The following MRAP2 variants were observed in gnomAD, a reference collection of about 807,000 sequenced individuals.
MRAP2 encodes melanocortin 2 receptor accessory protein 2.
In MRAP2, 20 loss-of-function variants were observed where a neutral mutation model predicts 17.4. The ratio of observed to expected loss-of-function variants is 1.15; its 90% CI spans 0.81 to 1.67. The LOEUF is 1.67. Ranked by LOEUF, MRAP2 falls within the 40% of genes most tolerant of loss-of-function variation. The pLI is 0.00. For synonymous variants in MRAP2, 96 were observed against 88.4 expected (o/e 1.09, Z -0.48); for missense variants, 238 against 240.0 (o/e 0.99, Z 0.05).
chr6:84,144,744 TCTTTTTAGGGACTGTC>T, the MRAP2 span, among the ~76,000 whole-genome samples: 3 of 152,140 alleles, frequency 2.0e-5, no homozygotes, highest in African/African-American at 7.2e-5. Context: ...GATGAAGAAT[TCTTTTTAGGGACTGTC>T]TGTTTAAAAC....
intron 3 of MRAP2, among the ~76,000 whole-genome samples, chr6:84,084,927 TTTTAC>T (rs202029265): frequency 1.7e-4 from 18 of 103,956 alleles, no homozygotes; most frequent in East Asian, 5.4e-4. Flanking sequence ...ATTTATTTTA[TTTTAC>T]TTTATTTTAT....
the MRAP2 span, among the ~76,000 whole-genome samples, chr6:84,122,895 A>G: frequency 1.3e-5 from 2 of 152,142 alleles, no homozygotes; most frequent in Non-Finnish European, 2.9e-5. Context: ...AGGATACAAA[A>G]TCAATATACA....
intron 1 of MRAP2, among the ~76,000 whole-genome samples, chr6:84,036,548 G>A (rs922977747): frequency 2.6e-5 from 4 of 152,160 alleles, no homozygotes; most frequent in Admixed American, 1.3e-4. Flanking sequence ...CAGGAGTGAA[G>A]CTGCAGACCT....
At chr6:84,100,107 G>A in the MRAP2 span, among the ~76,000 whole-genome samples, 2 of 152,124 alleles carry the variant, frequency 1.3e-5, no homozygotes, top group African/African-American at 2.4e-5. Context: ...TGATCCACTT[G>A]CCTTGGCCTC....
At chr6:84,087,974 T>C (rs2099500912) in intron 3 of MRAP2, among the ~76,000 whole-genome samples, 1 of 152,130 alleles carries the variant, frequency 6.6e-6, no homozygotes, top group Non-Finnish European at 1.5e-5. Context: ...TACAATCAGG[T>C]TTTCCAGACC....
chr6:84,044,887 T>C (rs1043213723), intron 1 of MRAP2, among the ~76,000 whole-genome samples: 1 of 152,180 alleles, frequency 6.6e-6, no homozygotes, highest in Admixed American at 6.5e-5. Flanking sequence ...ATTTAGCCAA[T>C]TGTGGATGGA....
chr6:84,085,425 T>C (rs2099500177), intron 3 of MRAP2, among the ~76,000 whole-genome samples: 1 of 152,182 alleles, frequency 6.6e-6, no homozygotes, highest in Non-Finnish European at 1.5e-5. Context: ...GTCAGGAGTT[T>C]GTACTGGTGT....
chr6:84,056,206 A>C (rs771530565), intron 2 of MRAP2, among the ~76,000 whole-genome samples: 20 of 152,250 alleles, frequency 1.3e-4, no homozygotes, highest in Non-Finnish European at 2.5e-4. Flanking sequence ...ACAGCACTGT[A>C]AAATTTTTAT....
chr6:84,127,164 A>G, the MRAP2 span, among the ~76,000 whole-genome samples: 1 of 152,160 alleles, frequency 6.6e-6, no homozygotes, highest in African/African-American at 2.4e-5. Flanking sequence ...AAAACAATTA[A>G]TTGTATCTTC....
At chr6:84,116,294 A>T in the MRAP2 span, among the ~76,000 whole-genome samples, 125 of 152,156 alleles carry the variant, frequency 8.2e-4, no homozygotes, top group Admixed American at 2.2e-3. Flanking sequence ...AGGTAATTGG[A>T]TCATAAGGGT....
chr6:84,092,514 G>A (rs952662188), downstream of MRAP2, among the ~76,000 whole-genome samples: 21 of 152,076 alleles, frequency 1.4e-4, no homozygotes, highest in African/African-American at 4.8e-4. Flanking sequence ...TGAGATCCTG[G>A]GTATGATTCA....
chr6:84,085,594 G>A (rs188501702), intron 3 of MRAP2, among the ~76,000 whole-genome samples: 1 of 152,276 alleles, frequency 6.6e-6, no homozygotes, highest in East Asian at 1.9e-4. Context: ...AACAAGCAAA[G>A]GGGAAGAGCC....
the MRAP2 span, among the ~76,000 whole-genome samples, chr6:84,129,190 C>T: frequency 6.6e-6 from 1 of 152,110 alleles, no homozygotes; most frequent in African/African-American, 2.4e-5. Flanking sequence ...GATTTATAAT[C>T]CTTTGGGTAT....
intron 3 of MRAP2, 174 bp downstream of exon 3, chr6:84,063,166 T>C (rs1040518177): frequency 5.1e-6 from 5 of 985,322 alleles, no homozygotes; most frequent in Middle Eastern, 5.2e-4. Flanking sequence ...CCTGGCTTTT[T>C]GTTTCTTGCG....
At chr6:84,133,073 C>T in the MRAP2 span, among the ~76,000 whole-genome samples, 9 of 152,322 alleles carry the variant, frequency 5.9e-5, no homozygotes, top group African/African-American at 2.2e-4. Flanking sequence ...AGTTTTCCTT[C>T]TAACCGTCAG....
At chr6:84,100,427 C>A in the MRAP2 span, among the ~76,000 whole-genome samples, 5 of 151,926 alleles carry the variant, frequency 3.3e-5, no homozygotes, top group Non-Finnish European at 7.4e-5. Context: ...CCACACCTAC[C>A]TAATTTTTTT....
At chr6:84,117,383 C>T in the MRAP2 span, among the ~76,000 whole-genome samples, 1 of 152,082 alleles carries the variant, frequency 6.6e-6, no homozygotes, top group Non-Finnish European at 1.5e-5. Flanking sequence ...ATGCCAGCTT[C>T]ATAGAATGAG....
chr6:84,103,211 G>A, the MRAP2 span, among the ~76,000 whole-genome samples: 1 of 152,180 alleles, frequency 6.6e-6, no homozygotes, highest in Non-Finnish European at 1.5e-5. Flanking sequence ...AAAGAGGAAG[G>A]GTAGAAACGT....
chr6:84,130,303 C>T, the MRAP2 span, among the ~76,000 whole-genome samples: 1 of 152,072 alleles, frequency 6.6e-6, no homozygotes, highest in African/African-American at 2.4e-5. Flanking sequence ...ATCAGGGATA[C>T]TGGCCTGAAA....
Sources: gnomAD v4.1 joint callset for allele counts (sites outside exome capture counted in the v4.1 genomes callset) on GRCh38, gnomAD v4.1.1 for gene constraint, MANE v1.5 for transcripts, NCBI Gene and HGNC (gene_info 2026-07-23, HGNC 2026-07-21) for gene names.